Variants in FRMD4B observed in about 807,000 individuals in gnomAD.
The protein encoded by FRMD4B is FERM domain containing 4B.
A neutral mutation model predicts 141.5 loss-of-function variants in FRMD4B; 74 were observed. The ratio of observed to expected loss-of-function variants is 0.52; its 90% CI spans 0.43 to 0.63. The LOEUF is 0.63. Among genes scored for constraint, FRMD4B ranks in the 30% least tolerant of loss-of-function variants. FRMD4B has a pLI of 0.00. For missense variants in FRMD4B, 1,366 were observed against 1,253.4 expected, an observed-to-expected ratio of 1.09 and a Z score of -1.36; for synonymous variants, 506 against 467.9, an observed-to-expected ratio of 1.08 and a Z score of -1.05.
chr3:69,207,821 G>GA (rs2093038630), intron 11 of FRMD4B, among the ~76,000 whole-genome samples: 1 of 149,826 alleles, frequency 6.7e-6, no homozygotes, highest in African/African-American at 2.5e-5. Flanking sequence ...AAAAAAAAAA[G>GA]AAAAAACAAT....
Position 69,169,809 on chromosome 3 carries a change from A to C in FRMD4B, c.*2052T>G, listed in dbSNP as rs1032909329. On this transcript the variant is annotated 3_prime_UTR_variant, in exon 23 of 23. Transcript: ENST00000398540. ...ATGTATGGAAATATATTTCATTTCC[A>C]CTCCCTTCTCCACATTATGTAGGAT... 6.6e-6 allele frequency among the ~76,000 whole-genome samples: 1 copy of C among 151,948 alleles called. No individual in the cohort carries two copies. The highest frequency in any genetic ancestry group is 1.5e-5 in the Non-Finnish European group (1 of 67,988).
chr3:69,250,743 T>A (rs76770615), intron 5 of FRMD4B, among the ~76,000 whole-genome samples: 1 of 151,286 alleles, frequency 6.6e-6, no homozygotes, highest in Non-Finnish European at 1.5e-5. Flanking sequence ...TTTTTTTTTT[T>A]TATCATTCAA....
chr3:69,274,528 T>C (rs1227203839), intron 5 of FRMD4B, among the ~76,000 whole-genome samples: 1 of 152,128 alleles, frequency 6.6e-6, no homozygotes, highest in Non-Finnish European at 1.5e-5. Context: ...TTTTTATTTT[T>C]ATTTTTTTGA....
chr3:69,433,337 C>G (rs1262911204), intron 1 of FRMD4B, among the ~76,000 whole-genome samples: 1 of 152,212 alleles, frequency 6.6e-6, no homozygotes, highest in African/African-American at 2.4e-5. Context: ...GCTTTTCCCC[C>G]AGAAGCTCCA....
In FRMD4B at chr3:69,193,698, T is replaced by G. The variant is rs926806750; in HGVS notation, c.1664A>C (p.Tyr555Ser). The change falls in exon 17 of 23, where the codon TAC (tyrosine) becomes TCC (serine). Residue 555 changes from tyrosine to serine, a missense_variant. Coordinates refer to ENST00000398540, the MANE Select transcript of FRMD4B (RefSeq NM_015123.3). ...GGGTTTCTTTCCACACCTAATTCGG[T>G]ATTCGTTTATTGCATTTTCAATCTC... Reference protein sequence around the residue: ...LQEIENAINEYRIRCGKKPSQ... With the variant: ...LQEIENAINESRIRCGKKPSQ... 1 of 1,613,798 alleles carries G rather than the reference T, an allele frequency of 6.2e-7. No homozygotes were observed. The highest frequency in any genetic ancestry group is 8.5e-7 in the Non-Finnish European group (1 of 1,179,728).
At position 69,171,700 on chromosome 3, in the gene FRMD4B, G is replaced by A. The variant is rs79609628; in HGVS notation, c.*161C>T. On this transcript the variant is annotated 3_prime_UTR_variant, in exon 23 of 23. Transcript: ENST00000398540. The stretch of plus-strand genomic sequence containing the variant: ...CTCCTTTAGGGGCTTTGTGGGGCTT[G>A]GTGTGTGATTCACTGATTCACTTCC... 2,500 of 674,548 alleles carry A rather than the reference G, an allele frequency of 3.7e-3. 57 individuals are homozygous for A. In the East Asian group the frequency reaches 0.051, roughly 14 times the overall value. The allele number at this position is 674,548 out of a possible 1,614,324, so 41.8% of individuals were successfully genotyped here. A position where few individuals can be genotyped will look rare whatever the true frequency, so the allele number is the denominator to read the frequency against.
intron 1 of FRMD4B, among the ~76,000 whole-genome samples, chr3:69,540,546 A>G (rs1231209230): frequency 1.4e-5 from 2 of 143,264 alleles, no homozygotes; most frequent in East Asian, 4.3e-4. Context: ...CTCGGGAGGC[A>G]GAGGTTGCAG....
intron 7 of FRMD4B, among the ~76,000 whole-genome samples, chr3:69,239,960 G>C (rs531721371): frequency 6.6e-6 from 1 of 151,980 alleles, no homozygotes; most frequent in Non-Finnish European, 1.5e-5. Flanking sequence ...GGCTGAGGCA[G>C]GAGAATCGCT....
chr3:69,184,903 G>A (rs1429567488), intron 19 of FRMD4B, among the ~76,000 whole-genome samples: 1 of 152,210 alleles, frequency 6.6e-6, no homozygotes, highest in Non-Finnish European at 1.5e-5. Context: ...TAGCATGGCT[G>A]TAGCTCCTTG....
chr3:69,472,375 C>A, intron 1 of FRMD4B: 1 of 494,592 alleles, frequency 2.0e-6, no homozygotes, highest in Non-Finnish European at 4.1e-6. Context: ...TCAACATCTC[C>A]ACCCTCATTC....
chr3:69,338,228 G>A (rs986862207), intron 1 of FRMD4B, among the ~76,000 whole-genome samples: 1 of 152,142 alleles, frequency 6.6e-6, no homozygotes, highest in East Asian at 1.9e-4. Context: ...AACTCCACGT[G>A]TTCTCATTCA....
intron 1 of FRMD4B, among the ~76,000 whole-genome samples, chr3:69,527,001 G>A (rs1254234651): frequency 6.6e-6 from 1 of 151,976 alleles, no homozygotes; most frequent in Non-Finnish European, 1.5e-5. Flanking sequence ...CTTTCCTACT[G>A]TGCTCTGCAG....
At chr3:69,380,263 C>T (rs1439327106) in intron 1 of FRMD4B, among the ~76,000 whole-genome samples, 1 of 152,182 alleles carries the variant, frequency 6.6e-6, no homozygotes, top group East Asian at 1.9e-4. Context: ...CCCACACACG[C>T]TGCTGTGGGA....
chr3:69,486,883 C>G (rs1408446115), intron 1 of FRMD4B, among the ~76,000 whole-genome samples: 1 of 152,176 alleles, frequency 6.6e-6, no homozygotes, highest in African/African-American at 2.4e-5. Context: ...ATATGCAACT[C>G]TCCAGAAAGA....
intron 11 of FRMD4B, among the ~76,000 whole-genome samples, chr3:69,204,936 T>C (rs929677076): frequency 6.6e-6 from 1 of 151,690 alleles, no homozygotes; most frequent in East Asian, 1.9e-4. Context: ...CACAGCGAAA[T>C]AGGGGCAGAT....
chr3:69,455,153 A>G (rs1230199459), intron 1 of FRMD4B, among the ~76,000 whole-genome samples: 3 of 152,170 alleles, frequency 2.0e-5, no homozygotes, highest in Non-Finnish European at 4.4e-5. Context: ...TCTGTAAAAC[A>G]GACCAATCAG....
chr3:69,454,379 C>G (rs551771589), intron 1 of FRMD4B, among the ~76,000 whole-genome samples: 124 of 152,342 alleles, frequency 8.1e-4, no homozygotes, highest in Non-Finnish European at 1.6e-3. Context: ...CGTGGGAGCC[C>G]CTCTCTCTGG....
chr3:69,444,225 C>G (rs1442527599), intron 1 of FRMD4B, among the ~76,000 whole-genome samples: 3 of 152,150 alleles, frequency 2.0e-5, no homozygotes, highest in Admixed American at 6.5e-5. Flanking sequence ...GCTTGGCCAG[C>G]CTTGCATTAA....
intron 1 of FRMD4B, among the ~76,000 whole-genome samples, chr3:69,322,594 C>CTTTTTT (rs771521331): frequency 6.1e-5 from 5 of 81,368 alleles, no homozygotes; most frequent in African/African-American, 1.8e-4. Flanking sequence ...TTCTCTCTCT[C>CTTTTTT]TTTTTTTTTT....
Sources: gnomAD v4.1 joint callset for allele counts (sites outside exome capture counted in the v4.1 genomes callset) on GRCh38, gnomAD v4.1.1 for gene constraint, MANE v1.5 for transcripts, NCBI Gene and HGNC (gene_info 2026-07-23, HGNC 2026-07-21) for gene names.